LCN1: variants seen among roughly 807,000 people sequenced by gnomAD.
LCN1 encodes the protein lipocalin 1.
Under a neutral mutation model 22.3 loss-of-function variants are expected in LCN1, and 25 were observed. That is an observed-to-expected ratio of 1.12 (90% CI 0.82 to 1.56). LCN1 has a LOEUF of 1.56. Among genes scored for constraint, LCN1 ranks in the 40% most tolerant of loss-of-function variants. The pLI, the probability that LCN1 is intolerant of heterozygous loss-of-function variation, is 0.00. For missense variants in LCN1, 219 were observed against 235.6 expected, an observed-to-expected ratio of 0.93 and a Z score of 0.46; for synonymous variants, 85 against 97.6, an observed-to-expected ratio of 0.87 and a Z score of 0.76.
Position 135,522,109 on chromosome 9 carries a change from G to A in LCN1, c.153G>A (p.Leu51=), listed in dbSNP as rs550938524. 1 of 1,597,142 alleles carries A rather than the reference G, an allele frequency of 6.3e-7. No homozygotes were observed. Among genetic ancestry groups the A allele is most frequent in the East Asian group, 2.3e-5 (1 of 43,886 alleles). The change falls in exon 2 of 7, where the codon CTG becomes CTA. Residue 51 remains leucine, a synonymous_variant. Transcript: ENST00000371781. ...ACAGGGAGTTCCCTGAGATGAATCTGGAATCGGTGACACCCATGACCCTCA... is the reference window on the plus strand; with the variant it reads ...ACAGGGAGTTCCCTGAGATGAATCTAGAATCGGTGACACCCATGACCCTCA... The part of the protein sequence containing the change: ...TVDREFPEMN[L]ESVTPMTLTT...
chr9:135,522,090 A>T lies in LCN1; in HGVS notation c.134A>T (p.Glu45Val). Reference sequence around the variant, plus strand: ...CTGAAGGCCATGACGGTGGACAGGGAGTTCCCTGAGATGAATCTGGAATCG... The same window carrying T: ...CTGAAGGCCATGACGGTGGACAGGGTGTTCCCTGAGATGAATCTGGAATCG... Reference protein sequence around the residue: ...WYLKAMTVDREFPEMNLESVT... With the variant: ...WYLKAMTVDRVFPEMNLESVT... Residue 45 changes from glutamate to valine, a missense_variant, in exon 2 of 7, where the codon GAG (glutamate) becomes GTG (valine). Glu to Val is a moderately radical substitution (Grantham distance 121). Transcript: ENST00000371781. 6.3e-7 allele frequency: 1 copy of T among 1,594,270 alleles called. No individual in the cohort carries two copies. The highest frequency in any genetic ancestry group is 2.3e-5 in the East Asian group (1 of 43,800).
rs1319718157 is a variant in LCN1 at position 135,526,332 on chromosome 9, C to T, written c.*2-12C>T. The T allele has an allele frequency of 8.0e-7, 1 of 1,244,186 alleles. No homozygotes were observed. Among genetic ancestry groups the T allele is most frequent in the Non-Finnish European group, 1.0e-6 (1 of 962,886 alleles). The allele number at this position is 1,244,186 out of a possible 1,614,324, so 77.1% of individuals were successfully genotyped here. On this transcript the variant is annotated splice_polypyrimidine_tract_variant and intron_variant, in intron 6 of 6. Transcript: ENST00000371781. ...GCTGTCCTGGCCTCACTCACCCTCC[C>T]CCCCTTTCCAGGGCAGGGGACACCT...
chr9:135,523,992 T>TGC lies in LCN1; in HGVS notation c.403+3_403+4insCG. Reference sequence around the variant, plus strand: ...CGGTCCGAGGGGTGAAGCTCGTGGGTGGGTCCCGCACCCTCACCCTGCAAC... The same window carrying TGC: ...CGGTCCGAGGGGTGAAGCTCGTGGGTGCGGGTCCCGCACCCTCACCCTGCAAC... On this transcript the variant is annotated splice_region_variant and intron_variant, in intron 4 of 6. Coordinates refer to ENST00000371781, the MANE Select transcript of LCN1 (RefSeq NM_002297.4). 1 of 1,611,708 alleles carries TGC rather than the reference T, an allele frequency of 6.2e-7. No individual in the cohort carries two copies. Among genetic ancestry groups the TGC allele is most frequent in the Non-Finnish European group, 8.5e-7 (1 of 1,178,018 alleles).
chr9:135,525,338 G>A (rs777666352), intron 6 of LCN1, among the ~76,000 whole-genome samples, 180 bp downstream of exon 6: 9 of 152,142 alleles, frequency 5.9e-5, no homozygotes, highest in South Asian at 2.1e-4. Context: ...GTCAGACTCC[G>A]TTCTTGCCCT....
intron 1 of LCN1, 78 bp downstream of exon 1, chr9:135,521,665 C>A: frequency 1.6e-6 from 2 of 1,269,672 alleles, no homozygotes; most frequent in Non-Finnish European, 2.2e-6. Flanking sequence ...CATGCCTCCT[C>A]CATCCAAGGA....
At chr9:135,523,593 G>A (rs117814227) in intron 3 of LCN1, among the ~76,000 whole-genome samples, 2,053 of 152,320 alleles carry the variant, frequency 0.013, 23 homozygotes, top group Non-Finnish European at 0.023. Flanking sequence ...TTGGCTGCGG[G>A]GGGCTGTACC....
At position 135,525,123 on chromosome 9, in the gene LCN1, T is replaced by C; in HGVS notation, c.506-9T>C. The C allele has an allele frequency of 6.2e-7, 1 of 1,613,468 alleles. No individual in the cohort carries two copies. Among genetic ancestry groups the C allele is most frequent in the Non-Finnish European group, 8.5e-7 (1 of 1,179,674 alleles). ...GGTCTCCTAACGCCTGTGCTTCCTT[T>C]TCCTGCAGAAACCTGCTCTCCAGGG... On this transcript the variant is annotated splice_polypyrimidine_tract_variant and intron_variant, in intron 5 of 6. Transcript: ENST00000371781.
intron 2 of LCN1, among the ~76,000 whole-genome samples, chr9:135,522,589 G>A (rs1831527527): frequency 6.6e-6 from 1 of 152,226 alleles, no homozygotes; most frequent in Non-Finnish European, 1.5e-5. Context: ...AGACACCATG[G>A]AGAAGACCCC....
Position 135,524,940 on chromosome 9 carries a change from C to A in LCN1, c.505+9C>A. On this transcript the variant is annotated intron_variant, in intron 5 of 6. Coordinates refer to ENST00000371781, the MANE Select transcript of LCN1 (RefSeq NM_002297.4). The stretch of plus-strand genomic sequence containing the variant: ...CATCCCCAGGCAGAGCGGTAGGAGG[C>A]ATGGCCCTGCAGAGCCCCCCATGTC... The A allele has an allele frequency of 1.2e-6, 2 of 1,602,176 alleles. No individual in the cohort carries two copies. Among genetic ancestry groups the A allele is most frequent in the Non-Finnish European group, 1.7e-6 (2 of 1,174,262 alleles).
Position 135,524,965 on chromosome 9 carries a change from C to G in LCN1, c.505+34C>G, listed in dbSNP as rs761108746. 1.6e-5 allele frequency: 26 copies of G among 1,582,646 alleles called. No individual in the cohort carries two copies. In the African/African-American group the frequency reaches 2.6e-4, roughly 16 times the overall value. ...CATGGCCCTGCAGAGCCCCCCATGT[C>G]CCCGCGTGGGGACATCAGCAGAGCT... On this transcript the variant is annotated intron_variant, in intron 5 of 6. Coordinates refer to ENST00000371781, the MANE Select transcript of LCN1 (RefSeq NM_002297.4).
chr9:135,522,692 T>C (rs112777878), intron 2 of LCN1, among the ~76,000 whole-genome samples: 2,890 of 152,302 alleles, frequency 0.019, 73 homozygotes, highest in African/African-American at 0.066. Context: ...ACCTGTGTGA[T>C]TTCACCCGCA....
intron 1 of LCN1, among the ~76,000 whole-genome samples, 156 bp from the exon 2 acceptor site, chr9:135,521,891 T>G (rs1056236580): frequency 6.6e-6 from 1 of 151,446 alleles, no homozygotes; most frequent in African/African-American, 2.4e-5. Context: ...CAAGTGGGCC[T>G]GGCGAGGGTG....
At chr9:135,522,439 A>T (rs1831524199) in intron 2 of LCN1, among the ~76,000 whole-genome samples, 4 of 152,196 alleles carry the variant, frequency 2.6e-5, no homozygotes. Context: ...CCGACTAGGG[A>T]ATGTCTGGTG....
chr9:135,526,386 C>G lies in LCN1; in HGVS notation c.*44C>G. The G allele has an allele frequency of 2.3e-6, 3 of 1,282,938 alleles. No homozygotes were observed. The highest frequency in any genetic ancestry group is 3.0e-6 in the Non-Finnish European group (3 of 986,352). The allele number at this position is 1,282,938 out of a possible 1,614,324, so 79.5% of individuals were successfully genotyped here. ...CTCCTCAGCAGCCCAAGGACGGCAC[C>G]ATCCAGCACCTCCGTCATTCACAGG... On this transcript the variant is annotated 3_prime_UTR_variant, in exon 7 of 7. Transcript: ENST00000371781.
Position 135,521,590 on chromosome 9 carries a change from G to A in LCN1, c.90+3G>A, listed in dbSNP as rs368871873. 1.2e-6 allele frequency: 2 copies of A among 1,610,142 alleles called. No homozygotes were observed. The highest frequency in any genetic ancestry group is 4.5e-5 in the East Asian group (2 of 44,778). The stretch of plus-strand genomic sequence containing the variant: ...CCTCAGACGAGGAGATTCAGGATGT[G>A]AGGCCCGGATGGGAAGGCTGGGCTG... On this transcript the variant is annotated splice_donor_region_variant and intron_variant, in intron 1 of 6. Transcript: ENST00000371781.
intron 6 of LCN1, among the ~76,000 whole-genome samples, chr9:135,525,767 G>A (rs1021553732): frequency 6.6e-6 from 1 of 151,954 alleles, no homozygotes; most frequent in Non-Finnish European, 1.5e-5. Flanking sequence ...GGTGGTCCCT[G>A]CTCCATCCGC....
Position 135,521,589 on chromosome 9 carries a change from T to C in LCN1, c.90+2T>C, listed in dbSNP as rs2118943335. ...GCCTCAGACGAGGAGATTCAGGATG[T>C]GAGGCCCGGATGGGAAGGCTGGGCT... On this transcript the variant is annotated splice_donor_variant, in intron 1 of 6. Transcript: ENST00000371781. LOFTEE classifies it high-confidence loss of function. 5.0e-6 allele frequency: 8 copies of C among 1,610,124 alleles called. No individual in the cohort carries two copies. The highest frequency in any genetic ancestry group is 5.9e-6 in the Non-Finnish European group (7 of 1,177,954).
chr9:135,522,789 G>A (rs539318180), intron 2 of LCN1, among the ~76,000 whole-genome samples: 28 of 152,302 alleles, frequency 1.8e-4, no homozygotes, highest in Admixed American at 3.3e-4. Flanking sequence ...CAATGACCCC[G>A]ATTTTTTTTT....
intron 3 of LCN1, 79 bp from the exon 4 acceptor site, chr9:135,523,801 C>A: frequency 8.2e-7 from 1 of 1,225,862 alleles, no homozygotes; most frequent in South Asian, 1.3e-5. Flanking sequence ...CTTGCTGGGC[C>A]TGGCAACGCA....
Sources: allele counts gnomAD v4.1 joint callset (sites outside exome capture counted in the v4.1 genomes callset), GRCh38; gene constraint gnomAD v4.1.1; transcripts MANE v1.5; gene names NCBI Gene and HGNC (gene_info 2026-07-23, HGNC 2026-07-21).